Variants in GOLGA6L9 observed in about 807,000 individuals in gnomAD.
The protein encoded by GOLGA6L9 is golgin A6 family like 9, also known as golgin subfamily A member 6-like protein 9.
A neutral mutation model predicts 51.3 loss-of-function variants in GOLGA6L9; 19 were observed. That is an observed-to-expected ratio of 0.37 (90% confidence interval 0.26 to 0.54). The LOEUF is 0.54. Among genes scored for constraint, GOLGA6L9 ranks in the 20% least tolerant of loss-of-function variants. The pLI is 0.83. For synonymous variants in GOLGA6L9, 97 were observed against 184.2 expected (o/e 0.53, Z 3.83); for missense variants, 247 against 464.1 (o/e 0.53, Z 4.30).
At chr15:82,434,631 C>T (rs1414771129) in intron 6 of GOLGA6L9, 29 bp downstream of exon 6, 1 of 1,493,024 alleles carries the variant, frequency 6.7e-7, no homozygotes, top group Non-Finnish European at 9.0e-7. Flanking sequence ...GGAGGCTGCC[C>T]TCTTCCCTAG....
At position 82,434,468 on chromosome 15, in the gene GOLGA6L9, C is replaced by G; in HGVS notation, c.868C>G (p.Gln290Glu). ...ELLEQERLRQQDERLWQQETL... is the reference protein window; with the variant it reads ...ELLEQERLRQEDERLWQQETL... ...CCTGGAGCAGGAGAGGCTTCGGCAA[C>G]AGGATGAGAGGCTGTGGCAGCAGGA... Residue 290 changes from glutamine (Q) to glutamate (E), a missense_variant, in exon 6 of 9, where the codon CAG (glutamine) becomes GAG (glutamate). Gln to Glu is a conservative substitution (Grantham distance 29). This residue lies in a region of GOLGA6L9 where 35 missense variants were observed against 86.2 expected (regional missense o/e 0.41). Coordinates refer to ENST00000618348, the MANE Select transcript of GOLGA6L9 (RefSeq NM_198181.4). 6.4e-7 allele frequency: 1 copy of G among 1,553,246 alleles called. No individual in the cohort carries two copies. The highest frequency in any genetic ancestry group is 8.6e-7 in the Non-Finnish European group (1 of 1,156,902).
chr15:82,418,178 G>A, the GOLGA6L9 span, among the ~76,000 whole-genome samples: 1 of 152,298 alleles, frequency 6.6e-6, no homozygotes, highest in Non-Finnish European at 1.5e-5. Flanking sequence ...AAGGTGAATG[G>A]TCTACAGTAG....
chr15:82,417,768 A>T, the GOLGA6L9 span, among the ~76,000 whole-genome samples: 343 of 152,320 alleles, frequency 2.3e-3, 1 homozygote, highest in African/African-American at 8.1e-3. Flanking sequence ...GTGTTAACTC[A>T]TTAACTAAAT....
the GOLGA6L9 span, chr15:82,416,016 C>T: frequency 1.3e-5 from 2 of 152,146 alleles, no homozygotes; most frequent in Non-Finnish European, 2.9e-5. Flanking sequence ...AAAAGAAAAG[C>T]TAAGCATGGA....
At chr15:82,429,061 TG>T (rs1289425065), upstream of GOLGA6L9, among the ~76,000 whole-genome samples, 3 of 152,050 alleles carry the variant, frequency 2.0e-5, no homozygotes, top group Non-Finnish European at 4.4e-5. Flanking sequence ...CTACTTATTT[TG>T]TATCTTATTT....
chr15:82,419,030 A>C, the GOLGA6L9 span, among the ~76,000 whole-genome samples: 1 of 152,216 alleles, frequency 6.6e-6, no homozygotes, highest in Non-Finnish European at 1.5e-5. Context: ...CATAAGAGTA[A>C]TACCATTAGA....
chr15:82,416,708 TAGTC>T, the GOLGA6L9 span, among the ~76,000 whole-genome samples: 3 of 152,244 alleles, frequency 2.0e-5, no homozygotes, highest in Non-Finnish European at 4.4e-5. Context: ...CTTGTGATTT[TAGTC>T]AGGGTAAAGC....
chr15:82,438,542 CT>C lies in GOLGA6L9; in HGVS notation c.*2134del, dbSNP rs1169009974. On this transcript the variant is annotated 3_prime_UTR_variant, in exon 9 of 9. Coordinates refer to ENST00000618348, the MANE Select transcript of GOLGA6L9 (RefSeq NM_198181.4). ...TCTACCTCATTCAGTATAAGGCAGC[CT>C]TTAATTTGCTTAGAAGGCAACATTA... 3 of 148,228 alleles carry C rather than the reference CT, an allele frequency of 2.0e-5. No homozygotes were observed. The highest frequency in any genetic ancestry group is 7.5e-5 in the African/African-American group (3 of 40,256). The allele number at this position is 148,228 out of a possible 1,614,324, so 9.2% of individuals were successfully genotyped here.
chr15:82,420,103 C>G, the GOLGA6L9 span: 11 of 335,722 alleles, frequency 3.3e-5, no homozygotes, highest in Admixed American at 3.2e-5. Flanking sequence ...TTTACATAAA[C>G]CATAAGATAT....
At chr15:82,429,503 T>C (rs1280869739), upstream of GOLGA6L9, among the ~76,000 whole-genome samples, 6 of 152,230 alleles carry the variant, frequency 3.9e-5, no homozygotes, top group Non-Finnish European at 8.8e-5. Context: ...TTCTCTGTTA[T>C]TGGAATGTCG....
the GOLGA6L9 span, among the ~76,000 whole-genome samples, chr15:82,419,021 A>T: frequency 6.6e-6 from 1 of 152,242 alleles, no homozygotes; most frequent in Non-Finnish European, 1.5e-5. Flanking sequence ...GAGCAATTTC[A>T]TAAGAGTAAT....
Position 82,438,151 on chromosome 15 carries a change from G to C in GOLGA6L9, c.*1740G>C, listed in dbSNP as rs2031778079. Reference sequence around the variant, plus strand: ...TGAAACTGAGCTTACCTAATACATTGATAAATTATTTCAAAGGTATTTTTA... The same window carrying C: ...TGAAACTGAGCTTACCTAATACATTCATAAATTATTTCAAAGGTATTTTTA... On this transcript the variant is annotated 3_prime_UTR_variant, in exon 9 of 9. Transcript: ENST00000618348. 3 of 148,794 alleles carry C rather than the reference G, an allele frequency of 2.0e-5. No homozygotes were observed. The highest frequency in any genetic ancestry group is 7.5e-5 in the African/African-American group (3 of 40,092). The allele number at this position is 148,794 out of a possible 1,614,324, so 9.2% of individuals were successfully genotyped here. A position where few individuals can be genotyped will look rare whatever the true frequency, so the allele number is the denominator to read the frequency against.
At chr15:82,420,327 C>G in the GOLGA6L9 span, among the ~76,000 whole-genome samples, 1 of 151,816 alleles carries the variant, frequency 6.6e-6, no homozygotes, top group Non-Finnish European at 1.5e-5. Flanking sequence ...AACATGTCTA[C>G]AGTTGTAAAT....
At position 82,429,962 on chromosome 15, in the gene GOLGA6L9, A is replaced by C. The variant is rs1461205159; in HGVS notation, c.-118A>C. 1.6e-5 allele frequency: 17 copies of C among 1,091,208 alleles called. No individual in the cohort carries two copies. In the African/African-American group the frequency reaches 2.1e-4, roughly 13 times the overall value. The allele number at this position is 1,091,208 out of a possible 1,614,324, so 67.6% of individuals were successfully genotyped here. A position where few individuals can be genotyped will look rare whatever the true frequency, so the allele number is the denominator to read the frequency against. Reference sequence around the variant, plus strand: ...ACTGACCAATGGGCTTGGAACATTAAGGCCACGCCCCTATTCTGCGTTCCA... The same window carrying C: ...ACTGACCAATGGGCTTGGAACATTACGGCCACGCCCCTATTCTGCGTTCCA... On this transcript the variant is annotated 5_prime_UTR_variant, in exon 1 of 9. It removes the in-frame stop codon of an upstream open reading frame in the 5' UTR. Coordinates refer to ENST00000618348, the MANE Select transcript of GOLGA6L9 (RefSeq NM_198181.4).
At position 82,438,509 on chromosome 15, in the gene GOLGA6L9, ATTTG is replaced by A. The variant is rs1048222169; in HGVS notation, c.*2101_*2104del. 10 of 150,586 alleles carry A rather than the reference ATTTG, an allele frequency of 6.6e-5. 1 individual carries two copies. Among genetic ancestry groups the A allele is most frequent in the African/African-American group, 2.2e-4 (9 of 40,986 alleles). The allele number at this position is 150,586 out of a possible 1,614,324, so 9.3% of individuals were successfully genotyped here. A position where few individuals can be genotyped will look rare whatever the true frequency, so the allele number is the denominator to read the frequency against. On this transcript the variant is annotated 3_prime_UTR_variant, in exon 9 of 9. Transcript: ENST00000618348. ...TTTGCAGTACCTCATTCAGCCAAGT[ATTTG>A]TTCTCTACCTCATTCAGTATAAGGC...
chr15:82,432,455 G>C (rs1433860105), intron 2 of GOLGA6L9, 117 bp from the exon 3 acceptor site: 1 of 1,386,492 alleles, frequency 7.2e-7, no homozygotes, highest in East Asian at 2.7e-5. Flanking sequence ...TGGGAAAAAG[G>C]TTCCAAGATA....
chr15:82,432,024 A>G lies in GOLGA6L9; in HGVS notation c.204+75A>G, dbSNP rs1450747588. 5 of 1,302,078 alleles carry G rather than the reference A, an allele frequency of 3.8e-6. 2 individuals are homozygous for G. In the African/African-American group the frequency reaches 7.4e-5, roughly 19 times the overall value. 80.7% of individuals were successfully genotyped at this position (1,302,078 alleles called of 1,614,324 possible). A position where few individuals can be genotyped will look rare whatever the true frequency, so the allele number is the denominator to read the frequency against. On this transcript the variant is annotated intron_variant, in intron 2 of 8. Coordinates refer to ENST00000618348, the MANE Select transcript of GOLGA6L9 (RefSeq NM_198181.4). ...TAGAGGGTAATTGTTAAGATTGTAG[A>G]TGGACTGTTGGGTACTGGTTAAGAA...
rs1270118180 is a variant in GOLGA6L9, at chr15:82,436,430, A to G, written c.*19A>G. On this transcript the variant is annotated 3_prime_UTR_variant, in exon 9 of 9. Coordinates refer to ENST00000618348, the MANE Select transcript of GOLGA6L9 (RefSeq NM_198181.4). ...CATCTAAGAGCGGGTCAAGAAATTG[A>G]AAAAAAAAAACAAAACATTTAAGGG... The G allele has an allele frequency of 3.3e-5, 47 of 1,403,950 alleles. No individual in the cohort carries two copies. The East Asian group carries it at 1.0e-3, about 30-fold the overall frequency. The allele number at this position is 1,403,950 out of a possible 1,614,324, so 87.0% of individuals were successfully genotyped here.
chr15:82,429,849 G>C lies in GOLGA6L9; in HGVS notation c.-231G>C, dbSNP rs2435149. Among the ~76,000 whole-genome samples, 2 of 152,058 alleles carry C rather than the reference G, an allele frequency of 1.3e-5. No individual in the cohort carries two copies. The highest frequency in any genetic ancestry group is 1.3e-4 in the Admixed American group (2 of 15,274). ...CTCTCTCTGAGTGGGCGGGGACAGC[G>C]GTTGCATGGGCAGCTTTCCTTATGA... On this transcript the variant is annotated 5_prime_UTR_variant, in exon 1 of 9. Transcript: ENST00000618348.
Sources: gnomAD v4.1 joint callset for allele counts (sites outside exome capture counted in the v4.1 genomes callset) on GRCh38, gnomAD v4.1.1 for gene constraint, gnomAD v4.1.1 regional missense constraint, MANE v1.5 for transcripts, NCBI Gene and HGNC (gene_info 2026-07-23, HGNC 2026-07-21) for gene names.